GTF2I: variants seen among roughly 807,000 people sequenced by gnomAD.
GTF2I encodes general transcription factor IIi, also known as general transcription factor II-I.
GTF2I carries 12 observed loss-of-function variants against 67.6 expected under a neutral mutation model. The ratio of observed to expected loss-of-function variants is 0.18; its 90% CI spans 0.11 to 0.29. GTF2I has a LOEUF of 0.29. GTF2I is among the 10% of genes least tolerant of loss of function. GTF2I has a pLI of 1.00. For missense variants in GTF2I, 271 were observed against 580.1 expected (o/e 0.47, Z 5.47); for synonymous variants, 149 against 197.0 (o/e 0.76, Z 2.04).
At chr7:74,698,123 T>C (rs782637420) in intron 3 of GTF2I, among the ~76,000 whole-genome samples, 26 of 152,040 alleles carry the variant, frequency 1.7e-4, no homozygotes, top group Admixed American at 6.6e-5. Flanking sequence ...GCCCGGAGAA[T>C]TTTTTGTATT....
At chr7:74,705,942 AGTT>A (rs1790611961) in intron 7 of GTF2I, among the ~76,000 whole-genome samples, 1 of 151,900 alleles carries the variant, frequency 6.6e-6, no homozygotes, top group Non-Finnish European at 1.5e-5. Flanking sequence ...TGAAGTACTA[AGTT>A]CAGTTGATAA....
intron 1 of GTF2I, among the ~76,000 whole-genome samples, chr7:74,667,903 G>A (rs1287124088): frequency 2.7e-5 from 4 of 150,570 alleles, no homozygotes; most frequent in East Asian, 1.9e-4. Flanking sequence ...GCATGATCTC[G>A]GCTCATGGCA....
intron 12 of GTF2I, among the ~76,000 whole-genome samples, chr7:74,719,236 A>G (rs1286816104): frequency 1.3e-5 from 2 of 152,182 alleles, no homozygotes; most frequent in Admixed American, 1.3e-4. Context: ...ACAAAAACAG[A>G]TTCTATAATC....
At chr7:74,706,626 T>C (rs1317859079) in intron 8 of GTF2I, among the ~76,000 whole-genome samples, 193 bp downstream of exon 8, 1 of 152,184 alleles carries the variant, frequency 6.6e-6, no homozygotes, top group Non-Finnish European at 1.5e-5. Flanking sequence ...GCTCAGTAAG[T>C]GGTAGGCAGA....
intron 10 of GTF2I, 131 bp downstream of exon 10, chr7:74,715,047 G>A: frequency 2.0e-6 from 1 of 509,904 alleles, no homozygotes; most frequent in South Asian, 5.6e-5. Context: ...AAAATGTATT[G>A]GCCTTTTTTT....
At chr7:74,662,151 G>A (rs751880338) in intron 1 of GTF2I, among the ~76,000 whole-genome samples, 3 of 151,614 alleles carry the variant, frequency 2.0e-5, no homozygotes, top group South Asian at 2.1e-4. Context: ...TTCTTTTTGC[G>A]GGACGGGGTT....
intron 8 of GTF2I, among the ~76,000 whole-genome samples, chr7:74,707,390 G>A (rs1218804033): frequency 9.2e-5 from 14 of 151,986 alleles, no homozygotes; most frequent in African/African-American, 3.1e-4. Flanking sequence ...CCCCTTCCCC[G>A]GCCCTTTGTC....
chr7:74,701,768 T>G (rs1554399941), intron 6 of GTF2I, among the ~76,000 whole-genome samples: 1 of 152,092 alleles, frequency 6.6e-6, no homozygotes, highest in Non-Finnish European at 1.5e-5. Flanking sequence ...CCCAGCCAAA[T>G]TCACCTGTCT....
chr7:74,724,145 T>G (rs1554405198), intron 12 of GTF2I, among the ~76,000 whole-genome samples: 1 of 152,244 alleles, frequency 6.6e-6, no homozygotes, highest in African/African-American at 2.4e-5. Flanking sequence ...TTTTTATTGC[T>G]GCCAAATAGT....
intron 19 of GTF2I, among the ~76,000 whole-genome samples, chr7:74,741,123 A>T (rs1180208168): frequency 0.012 from 428 of 34,632 alleles, 187 homozygotes; most frequent in Non-Finnish European, 0.017. Context: ...TAGGGATAGG[A>T]AAACACACCC....
At chr7:74,697,809 G>C (rs1432119526) in intron 3 of GTF2I, among the ~76,000 whole-genome samples, 3 of 151,540 alleles carry the variant, frequency 2.0e-5, no homozygotes, top group African/African-American at 7.3e-5. Context: ...TTGCTCTGTC[G>C]CCAGGCTGGA....
At chr7:74,684,791 G>C (rs587617262) in intron 1 of GTF2I, 2 of 152,358 alleles carry the variant, frequency 1.3e-5, no homozygotes, top group South Asian at 4.1e-4. Flanking sequence ...CGCCCCGTGG[G>C]CTGTTGCTGT....
intron 1 of GTF2I, among the ~76,000 whole-genome samples, chr7:74,678,059 C>T (rs1218452235): frequency 6.6e-6 from 1 of 151,840 alleles, no homozygotes; most frequent in Admixed American, 6.6e-5. Flanking sequence ...CTGTCTCTCT[C>T]TCTCTCTCTT....
chr7:74,718,965 T>G (rs1554404096), intron 12 of GTF2I, 24 bp downstream of exon 12: 1 of 1,297,524 alleles, frequency 7.7e-7, no homozygotes, highest in African/African-American at 1.5e-5. Context: ...AAGCCTTGAT[T>G]CCAAAGTTTA....
chr7:74,678,053 C>T (rs1554392919), intron 1 of GTF2I, among the ~76,000 whole-genome samples: 3 of 150,172 alleles, frequency 2.0e-5, no homozygotes, highest in African/African-American at 7.3e-5. Context: ...TTCTGTCTGT[C>T]TCTCTCTCTC....
At chr7:74,687,289 A>G (rs868980651) in intron 1 of GTF2I, among the ~76,000 whole-genome samples, 12 of 151,992 alleles carry the variant, frequency 7.9e-5, no homozygotes, top group Admixed American at 2.0e-4. Context: ...CAGCAGCGCA[A>G]TCTTGGCTCA....
At chr7:74,669,644 G>A (rs1315367335) in intron 1 of GTF2I, among the ~76,000 whole-genome samples, 1 of 151,250 alleles carries the variant, frequency 6.6e-6, no homozygotes, top group Non-Finnish European at 1.5e-5. Flanking sequence ...AGCTCTTCTC[G>A]TGCCTCAGCT....
chr7:74,662,540 T>TTTTTG (rs1554387056), intron 1 of GTF2I, among the ~76,000 whole-genome samples: 4 of 130,858 alleles, frequency 3.1e-5, no homozygotes, highest in East Asian at 2.1e-4. Context: ...TTTTTTTTTT[T>TTTTTG]GAGACACAGT....
chr7:74,680,413 C>T (rs1554393836), intron 1 of GTF2I, among the ~76,000 whole-genome samples: 1 of 151,808 alleles, frequency 6.6e-6, no homozygotes, highest in Admixed American at 6.6e-5. Flanking sequence ...TTGTAAAAAT[C>T]TTCAAGCGCG....
Sources: allele counts gnomAD v4.1 joint callset (sites outside exome capture counted in the v4.1 genomes callset), GRCh38; gene constraint gnomAD v4.1.1; transcripts MANE v1.5; gene names NCBI Gene and HGNC (gene_info 2026-07-23, HGNC 2026-07-21).